Variants in SNX10 observed in about 807,000 individuals in gnomAD.
SNX10 encodes sorting nexin 10.
Under a neutral mutation model 28.5 loss-of-function variants are expected in SNX10, and 25 were observed. That is an observed-to-expected ratio of 0.88 (90% confidence interval 0.64 to 1.22). The LOEUF (loss-of-function observed/expected upper bound fraction) is 1.22, where lower values mean the gene tolerates loss of function less well. Among genes scored for constraint, SNX10 ranks in the 50% most tolerant of loss-of-function variants. The pLI is 0.00. For synonymous variants in SNX10, 62 were observed against 81.4 expected, an observed-to-expected ratio of 0.76 and a Z score of 1.28; for missense variants, 223 against 242.6, an observed-to-expected ratio of 0.92 and a Z score of 0.54.
In SNX10 at chr7:26,320,847, C is replaced by G. The variant is rs554008707; in HGVS notation, c.-23-25573C>G. Among the ~76,000 whole-genome samples, 72 of 152,358 alleles carry G rather than the reference C, an allele frequency of 4.7e-4. 1 individual carries two copies. Among genetic ancestry groups the G allele is most frequent in the African/African-American group, 1.6e-3 (68 of 41,588 alleles). ...CTGTTTGTGCAGCATGGACATCTCTCTATCCCAGGATTTACAGATTCACCT... is the reference window on the plus strand; with the variant it reads ...CTGTTTGTGCAGCATGGACATCTCTGTATCCCAGGATTTACAGATTCACCT... On this transcript the variant is annotated intron_variant, in intron 1 of 6. Coordinates refer to ENST00000338523, the MANE Select transcript of SNX10 (RefSeq NM_013322.3).
chr7:26,326,257 A>G (rs1787500365), intron 1 of SNX10, among the ~76,000 whole-genome samples: 1 of 152,156 alleles, frequency 6.6e-6, no homozygotes, highest in African/African-American at 2.4e-5. Context: ...GAAAACAGTG[A>G]ACACTTCCTT....
chr7:26,371,339 G>A (rs183360923), intron 5 of SNX10, among the ~76,000 whole-genome samples: 2 of 152,118 alleles, frequency 1.3e-5, no homozygotes, highest in East Asian at 3.9e-4. Flanking sequence ...GTATATAACT[G>A]TAAAGTTTTA....
At chr7:26,297,617 C>G (rs891806208) in intron 1 of SNX10, among the ~76,000 whole-genome samples, 3 of 152,190 alleles carry the variant, frequency 2.0e-5, no homozygotes, top group African/African-American at 7.2e-5. Flanking sequence ...GGATTTCCCC[C>G]AGGTCATCCT....
intron 1 of SNX10, among the ~76,000 whole-genome samples, chr7:26,311,519 G>T (rs557195334): frequency 6.6e-6 from 1 of 152,246 alleles, no homozygotes; most frequent in African/African-American, 2.4e-5. Context: ...TGGGGGGAGG[G>T]AATTGTCAGG....
At chr7:26,370,727 A>T (rs1202062152) in intron 5 of SNX10, 1 of 152,204 alleles carries the variant, frequency 6.6e-6, no homozygotes, top group African/African-American at 2.4e-5. Flanking sequence ...AATATAAGGT[A>T]AGGTTCATTT....
At chr7:26,352,998 T>C (rs946567849) in intron 2 of SNX10, among the ~76,000 whole-genome samples, 4 of 152,196 alleles carry the variant, frequency 2.6e-5, no homozygotes, top group Non-Finnish European at 5.9e-5. Flanking sequence ...GTTTTTTTTT[T>C]CTGCACTTTT....
At chr7:26,332,751 G>A (rs1270975959) in intron 1 of SNX10, among the ~76,000 whole-genome samples, 2 of 152,078 alleles carry the variant, frequency 1.3e-5, no homozygotes, top group African/African-American at 4.8e-5. Flanking sequence ...ATTTGTATGT[G>A]GTATAAGGTA....
At chr7:26,334,458 G>A (rs990709210) in intron 1 of SNX10, among the ~76,000 whole-genome samples, 1 of 152,178 alleles carries the variant, frequency 6.6e-6, no homozygotes. Flanking sequence ...ACAAAGGGAG[G>A]TGGAGGTCAG....
At chr7:26,305,090 C>G (rs868546935) in intron 1 of SNX10, among the ~76,000 whole-genome samples, 2 of 152,194 alleles carry the variant, frequency 1.3e-5, no homozygotes, top group Non-Finnish European at 2.9e-5. Context: ...AATCCACCAC[C>G]ACTACTACCA....
intron 1 of SNX10, among the ~76,000 whole-genome samples, chr7:26,331,639 G>A (rs982982983): frequency 6.6e-6 from 1 of 152,192 alleles, no homozygotes; most frequent in African/African-American, 2.4e-5. Context: ...GCTCACTGGT[G>A]TTTGGTATAT....
chr7:26,306,602 G>A (rs1022352440), intron 1 of SNX10, among the ~76,000 whole-genome samples: 2 of 151,794 alleles, frequency 1.3e-5, no homozygotes, highest in Non-Finnish European at 2.9e-5. Context: ...GATGGGTTTC[G>A]TCATGTTGCC....
intron 2 of SNX10, among the ~76,000 whole-genome samples, chr7:26,359,676 T>C (rs1788986969): frequency 6.6e-6 from 1 of 152,142 alleles, no homozygotes; most frequent in Non-Finnish European, 1.5e-5. Flanking sequence ...TAATTTTTTT[T>C]TTTTTTGAGA....
rs1785927848 is a variant in SNX10, at chr7:26,291,885, G to A, written c.-225G>A. The stretch of plus-strand genomic sequence containing the variant: ...GCACTAGGCGCGGCGCCCACAGGCG[G>A]ACGGCTGGCGCTGAGCGCGGGCGCG... On this transcript the variant is annotated 5_prime_UTR_variant, in exon 1 of 7. Coordinates refer to ENST00000338523, the MANE Select transcript of SNX10 (RefSeq NM_013322.3). The A allele has an allele frequency of 6.6e-6, 1 of 151,794 alleles. No individual in the cohort carries two copies. The highest frequency in any genetic ancestry group is 6.6e-5 in the Admixed American group (1 of 15,176). 9.4% of individuals were successfully genotyped at this position (151,794 alleles called of 1,614,324 possible). A position where few individuals can be genotyped will look rare whatever the true frequency, so the allele number is the denominator to read the frequency against.
intron 1 of SNX10, among the ~76,000 whole-genome samples, chr7:26,294,567 C>G (rs1005196227): frequency 6.6e-6 from 1 of 152,216 alleles, no homozygotes; most frequent in Non-Finnish European, 1.5e-5. Context: ...TTAAGCATCA[C>G]AACAGACTTA....
Position 26,358,813 on chromosome 7 carries a change from T to TTTTTTTTGTTTTTGTTTTTTG in SNX10, c.25-2155_25-2154insGTTTTTGTTTTTTGTTTTTTT, listed in dbSNP as rs1352406217. On this transcript the variant is annotated intron_variant, in intron 2 of 6. Coordinates refer to ENST00000338523, the MANE Select transcript of SNX10 (RefSeq NM_013322.3). ...CTATAGTGTTATCTTGTGTTTTTTT[T>TTTTTTTTGTTTTTGTTTTTTG]TTTTTTTTTTTGACCAAGTCTTGCT... Among the ~76,000 whole-genome samples, 4 of 146,498 alleles carry TTTTTTTTGTTTTTGTTTTTTG rather than the reference T, an allele frequency of 2.7e-5. No individual in the cohort carries two copies. In the East Asian group the frequency reaches 7.8e-4, roughly 29 times the overall value.
chr7:26,364,325 A>G lies in SNX10; in HGVS notation c.112-210A>G. 1 of 1,281,164 alleles carries G rather than the reference A, an allele frequency of 7.8e-7. No individual in the cohort carries two copies. Among genetic ancestry groups the G allele is most frequent in the Non-Finnish European group, 9.9e-7 (1 of 1,013,040 alleles). 79.4% of individuals were successfully genotyped at this position (1,281,164 alleles called of 1,614,324 possible). On this transcript the variant is annotated intron_variant, in intron 3 of 6. Coordinates refer to ENST00000338523, the MANE Select transcript of SNX10 (RefSeq NM_013322.3). This position sits in a 1 kb window ranked among gnomAD's most constrained non-coding sequence, Gnocchi z 4.9. Reference sequence around the variant, plus strand: ...AGGTCATACCTCACCCTGGGGCAACACTGCTTATTTCCATCATCCTGGCTG... The same window carrying G: ...AGGTCATACCTCACCCTGGGGCAACGCTGCTTATTTCCATCATCCTGGCTG...
chr7:26,355,237 C>T (rs937925558), intron 2 of SNX10, among the ~76,000 whole-genome samples: 1 of 152,112 alleles, frequency 6.6e-6, no homozygotes, highest in Non-Finnish European at 1.5e-5. Flanking sequence ...GCTGCTGTAG[C>T]CTTAACATTG....
chr7:26,339,374 A>C (rs1788082142), intron 1 of SNX10, among the ~76,000 whole-genome samples: 1 of 152,032 alleles, frequency 6.6e-6, no homozygotes, highest in Non-Finnish European at 1.5e-5. Context: ...GATTACAGGC[A>C]TGTGCCCGGT....
chr7:26,311,035 A>G (rs1363380860), intron 1 of SNX10, among the ~76,000 whole-genome samples: 1 of 152,142 alleles, frequency 6.6e-6, no homozygotes, highest in Non-Finnish European at 1.5e-5. Context: ...CCTGGAGTGT[A>G]CAGAAGAGCT....
Sources: allele counts gnomAD v4.1 joint callset (sites outside exome capture counted in the v4.1 genomes callset), GRCh38; gene constraint gnomAD v4.1.1; non-coding constraint Gnocchi (gnomAD v3.1); transcripts MANE v1.5; gene names NCBI Gene and HGNC (gene_info 2026-07-23, HGNC 2026-07-21).